The following DHX15 variants were observed in gnomAD, a reference collection of about 807,000 sequenced individuals.
The protein encoded by DHX15 is ATP-dependent RNA helicase DHX15.
Under a neutral mutation model 94.4 loss-of-function variants are expected in DHX15, and 11 were observed. The ratio of observed to expected loss-of-function variants is 0.12; its 90% CI spans 0.07 to 0.19. The LOEUF (loss-of-function observed/expected upper bound fraction) is 0.19. DHX15 is among the 10% of genes least tolerant of loss of function. The probability of loss-of-function intolerance (pLI) is 1.00; values close to 1 mark genes in which losing one functional copy is unlikely to be tolerated. For missense variants in DHX15, 304 were observed against 988.5 expected (o/e 0.31, Z 9.29); for synonymous variants, 338 against 329.9 (o/e 1.02, Z -0.27).
intron 4 of DHX15, 72 bp downstream of exon 4, chr4:24,556,179 C>G (rs954830118): frequency 8.1e-7 from 1 of 1,227,706 alleles, no homozygotes; most frequent in African/African-American, 1.5e-5. Context: ...GGTTATTGAT[C>G]AGTATGTATT....
chr4:24,544,719 C>T (rs1016051908), intron 6 of DHX15, among the ~76,000 whole-genome samples: 5 of 152,228 alleles, frequency 3.3e-5, no homozygotes, highest in African/African-American at 1.2e-4. Flanking sequence ...TTTTAACACC[C>T]CCAAGCTTGT....
chr4:24,542,797 T>C, intron 7 of DHX15, 143 bp downstream of exon 7: 1 of 565,430 alleles, frequency 1.8e-6, no homozygotes, highest in South Asian at 2.8e-5. Context: ...AGCCAAAACA[T>C]AAAGGGTTCA....
At chr4:24,531,922 C>T (rs1721092861) in intron 12 of DHX15, among the ~76,000 whole-genome samples, 1 of 152,154 alleles carries the variant, frequency 6.6e-6, no homozygotes, top group Non-Finnish European at 1.5e-5. Context: ...CACCAATCTC[C>T]TTTGATTTTT....
rs772150482 is a variant in DHX15, at chr4:24,584,401, C to T, written c.-8G>A. ...CCGGTGCCGCTTGGACATCCTCGCACTCTTCGAACGGGCAGTTATTAAGGA... is the reference window on the plus strand; with the variant it reads ...CCGGTGCCGCTTGGACATCCTCGCATTCTTCGAACGGGCAGTTATTAAGGA... On this transcript the variant is annotated 5_prime_UTR_variant, in exon 1 of 14. The change creates a new upstream start codon in the 5' untranslated region. Coordinates refer to ENST00000336812, the MANE Select transcript of DHX15 (RefSeq NM_001358.3). The T allele has an allele frequency of 2.5e-6, 4 of 1,611,224 alleles. No individual in the cohort carries two copies. Among genetic ancestry groups the T allele is most frequent in the Non-Finnish European group, 3.4e-6 (4 of 1,178,906 alleles).
intron 12 of DHX15, chr4:24,530,902 ATT>A (rs1224355429): frequency 6.6e-6 from 1 of 152,052 alleles, no homozygotes; most frequent in African/African-American, 2.4e-5. Context: ...TTTCTAATAA[ATT>A]TTTTGTTTGT....
At chr4:24,584,036 T>A (rs774289760) in intron 1 of DHX15, 2 of 448,664 alleles carry the variant, frequency 4.5e-6, no homozygotes, top group Non-Finnish European at 7.9e-6. Context: ...CCCTCGCAAA[T>A]GACTCCCGCT....
intron 5 of DHX15, among the ~76,000 whole-genome samples, chr4:24,552,320 C>T (rs115309720): frequency 2.8e-3 from 433 of 152,144 alleles, no homozygotes; most frequent in Non-Finnish European, 5.2e-3. Flanking sequence ...CTGGACCTTA[C>T]CAATTAACTC....
At chr4:24,564,415 C>CTCA (rs1720242024) in intron 3 of DHX15, among the ~76,000 whole-genome samples, 1 of 152,148 alleles carries the variant, frequency 6.6e-6, no homozygotes, top group African/African-American at 2.4e-5. Context: ...TAGAAACCAG[C>CTCA]TCATCTACCT....
At chr4:24,547,676 C>T (rs1201975107) in intron 6 of DHX15, among the ~76,000 whole-genome samples, 1 of 151,440 alleles carries the variant, frequency 6.6e-6, no homozygotes, top group African/African-American at 2.4e-5. Flanking sequence ...GAGGGCTGGG[C>T]GTAGTGGCTA....
Position 24,527,811 on chromosome 4 carries a change from A to T in DHX15, c.*113T>A, listed in dbSNP as rs973525322. The stretch of plus-strand genomic sequence containing the variant: ...TATTTACTGTAAAGAAAAATTAAAA[A>T]GCTTTCAAATAAAGGCCATTATCGA... On this transcript the variant is annotated 3_prime_UTR_variant, in exon 14 of 14. Transcript: ENST00000336812. The T allele has an allele frequency of 9.2e-6, 6 of 653,486 alleles. No homozygotes were observed. Among genetic ancestry groups the T allele is most frequent in the Non-Finnish European group, 1.1e-5 (4 of 374,378 alleles). The allele number at this position is 653,486 out of a possible 1,614,324, so 40.5% of individuals were successfully genotyped here.
rs1560765809 is a variant in DHX15 at position 24,547,921 on chromosome 4, A to ATCTATC, written c.1248+933_1248+934insGATAGA. Among the ~76,000 whole-genome samples the ATCTATC allele has an allele frequency of 2.2e-5, 2 of 89,176 alleles. 1 individual carries two copies. The highest frequency in any genetic ancestry group is 9.7e-5 in the African/African-American group (2 of 20,588). The allele number at this position is 89,176 out of a possible 152,430, so 58.5% of individuals were successfully genotyped here. On this transcript the variant is annotated intron_variant, in intron 6 of 13. Coordinates refer to ENST00000336812, the MANE Select transcript of DHX15 (RefSeq NM_001358.3). Reference sequence around the variant, plus strand: ...TGTATGTGTATATATATATATATATATATATATATATATATATATATCTAT... The same window carrying ATCTATC: ...TGTATGTGTATATATATATATATATATCTATCTATATATATATATATATATATCTAT...
In DHX15 at chr4:24,532,929, C is replaced by T; in HGVS notation, c.2035G>A (p.Asp679Asn). ...ATATAATAGTCCCTGCTTGTAAAGT[C>T]AGTACTTCGACGAGGCAAATTAAAT... ...DRFNLPRRST[D>N]FTSRDYYINI... Residue 679 changes from aspartate to asparagine, a missense_variant, in exon 12 of 14, where the codon GAC (aspartate) becomes AAC (asparagine). Asp to Asn is a conservative substitution (Grantham distance 23). Around this residue, in one of 9 missense-constraint regions of DHX15, gnomAD observed 44 missense variants for 236.7 expected, o/e 0.19. Transcript: ENST00000336812. 6.2e-7 allele frequency: 1 copy of T among 1,614,016 alleles called. No individual in the cohort carries two copies. The highest frequency in any genetic ancestry group is 8.5e-7 in the Non-Finnish European group (1 of 1,179,942).
rs1275470450 is a variant in DHX15, at chr4:24,527,799, GAA to G, written c.*123_*124del. On this transcript the variant is annotated 3_prime_UTR_variant, in exon 14 of 14. Coordinates refer to ENST00000336812, the MANE Select transcript of DHX15 (RefSeq NM_001358.3). ...ATCAGAATGGAATATTTACTGTAAA[GAA>G]AAATTAAAAAGCTTTCAAATAAAGG... is the stretch of plus-strand genomic sequence containing the variant. The G allele has an allele frequency of 1.4e-5, 9 of 620,762 alleles. No individual in the cohort carries two copies. The highest frequency in any genetic ancestry group is 8.4e-5 in the Admixed American group (3 of 35,880). The allele number at this position is 620,762 out of a possible 1,614,324, so 38.5% of individuals were successfully genotyped here. A position where few individuals can be genotyped will look rare whatever the true frequency, so the allele number is the denominator to read the frequency against.
rs894244079 is a variant in DHX15, at chr4:24,535,485, G to A, written c.1909+1566C>T. Among the ~76,000 whole-genome samples, 7 of 152,052 alleles carry A rather than the reference G, an allele frequency of 4.6e-5. No homozygotes were observed. The East Asian group carries it at 7.7e-4, about 17-fold the overall frequency. On this transcript the variant is annotated intron_variant, in intron 11 of 13. Coordinates refer to ENST00000336812, the MANE Select transcript of DHX15 (RefSeq NM_001358.3). ...GTCTAATCAGGGGTAAGTCTTTAAC[G>A]CTAGGTAATACCAGTATTTGGATAC...
chr4:24,537,248 G>A lies in DHX15; in HGVS notation c.1787-75C>T. ...ACGCATTCACAGATAGAGGAACAAGGCCTAGCTAGGTCAGTTCACAGAGCA... is the reference window on the plus strand; with the variant it reads ...ACGCATTCACAGATAGAGGAACAAGACCTAGCTAGGTCAGTTCACAGAGCA... On this transcript the variant is annotated intron_variant, in intron 10 of 13. Transcript: ENST00000336812. The surrounding 1 kb of genome is among the most constrained non-coding windows in gnomAD (Gnocchi z 4.7). 6.3e-7 allele frequency: 1 copy of A among 1,592,530 alleles called. No individual in the cohort carries two copies.
intron 12 of DHX15, 122 bp from the exon 13 acceptor site, chr4:24,529,892 T>A: frequency 1.0e-6 from 1 of 1,001,828 alleles, no homozygotes; most frequent in Non-Finnish European, 1.5e-6. Context: ...CTATACTTAT[T>A]TATCACTGTC....
rs1577340813 is a variant in DHX15, at chr4:24,552,836, G to A, written c.1080+1889C>T. On this transcript the variant is annotated intron_variant, in intron 5 of 13. Transcript: ENST00000336812. ...ATTTTATTTCATGAAAGACACTCTAGCATACATCTGAAAACCCTTCGGCTT... is the reference window on the plus strand; with the variant it reads ...ATTTTATTTCATGAAAGACACTCTAACATACATCTGAAAACCCTTCGGCTT... Among the ~76,000 whole-genome samples, 5 of 152,260 alleles carry A rather than the reference G, an allele frequency of 3.3e-5. No individual in the cohort carries two copies. In the South Asian group the frequency reaches 1.0e-3, roughly 32 times the overall value.
chr4:24,565,073 A>AT (rs1302807013), intron 3 of DHX15, among the ~76,000 whole-genome samples: 1 of 152,222 alleles, frequency 6.6e-6, no homozygotes, highest in Non-Finnish European at 1.5e-5. Context: ...TATTCCTCAA[A>AT]TTTTCACAAG....
chr4:24,533,576 A>T, intron 11 of DHX15: 4 of 157,580 alleles, frequency 2.5e-5, no homozygotes, highest in Admixed American at 6.1e-5. Flanking sequence ...AAGAAAGTTT[A>T]CAAGGATGCC....
Sources: allele counts gnomAD v4.1 joint callset (sites outside exome capture counted in the v4.1 genomes callset), GRCh38; gene constraint gnomAD v4.1.1; regional missense constraint gnomAD v4.1.1; non-coding constraint Gnocchi (gnomAD v3.1); transcripts MANE v1.5; gene names NCBI Gene and HGNC (gene_info 2026-07-23, HGNC 2026-07-21).